LRRC37A2: variants seen among roughly 807,000 people sequenced by gnomAD.
The protein encoded by LRRC37A2 is leucine-rich repeat-containing protein 37A2.
LRRC37A2 carries 9 observed loss-of-function variants against 68.8 expected under a neutral mutation model. The ratio of observed to expected loss-of-function variants is 0.13; its 90% CI spans 0.08 to 0.23. The LOEUF is 0.23. LRRC37A2 is among the 10% of genes least tolerant of loss of function. The probability of loss-of-function intolerance (pLI) is 1.00; values close to 1 mark genes in which losing one functional copy is unlikely to be tolerated. For synonymous variants in LRRC37A2, 63 were observed against 367.6 expected, an observed-to-expected ratio of 0.17 and a Z score of 9.48; for missense variants, 168 against 950.4, an observed-to-expected ratio of 0.18 and a Z score of 10.82.
the LRRC37A2 span, chr17:46,940,531 C>A: frequency 6.2e-7 from 1 of 1,613,982 alleles, no homozygotes; most frequent in Non-Finnish European, 8.5e-7. Flanking sequence ...GAGACTGCGA[C>A]GGCAAGGCTG....
At chr17:46,822,183 G>C in the LRRC37A2 span, among the ~76,000 whole-genome samples, 1 of 152,254 alleles carries the variant, frequency 6.6e-6, no homozygotes, top group African/African-American at 2.4e-5. Context: ...GACCTGGAGA[G>C]GAGGGCGTTT....
At chr17:46,890,029 C>T in the LRRC37A2 span, among the ~76,000 whole-genome samples, 6 of 152,218 alleles carry the variant, frequency 3.9e-5, no homozygotes, top group Non-Finnish European at 7.3e-5. Flanking sequence ...TCCTGAGCAG[C>T]CCCTCCCATG....
the LRRC37A2 span, among the ~76,000 whole-genome samples, chr17:46,781,666 C>CA: frequency 6.6e-6 from 1 of 152,068 alleles, no homozygotes; most frequent in Non-Finnish European, 1.5e-5. Context: ...GTGATGGTCA[C>CA]ACAGCATTGG....
the LRRC37A2 span, among the ~76,000 whole-genome samples, chr17:46,976,565 C>A: frequency 1.1e-4 from 17 of 151,910 alleles, no homozygotes; most frequent in Admixed American, 7.2e-4. Context: ...AAACAAAAAA[C>A]CAAAAAAACA....
the LRRC37A2 span, among the ~76,000 whole-genome samples, chr17:46,779,500 C>T: frequency 2.6e-5 from 4 of 152,240 alleles, no homozygotes; most frequent in Admixed American, 6.5e-5. Flanking sequence ...CGACCACCCA[C>T]TGCCCAGCTG....
chr17:46,727,289 G>T, the LRRC37A2 span, among the ~76,000 whole-genome samples: 1 of 152,136 alleles, frequency 6.6e-6, no homozygotes, highest in Non-Finnish European at 1.5e-5. Flanking sequence ...GAAATAAACT[G>T]CAAGGAAGGG....
chr17:46,881,915 T>C, the LRRC37A2 span, among the ~76,000 whole-genome samples: 1 of 152,242 alleles, frequency 6.6e-6, no homozygotes, highest in East Asian at 1.9e-4. Flanking sequence ...TCACCACATC[T>C]AAGAGATGTA....
chr17:47,047,614 G>C, the LRRC37A2 span, among the ~76,000 whole-genome samples: 2 of 151,860 alleles, frequency 1.3e-5, no homozygotes, highest in Admixed American at 6.6e-5. Context: ...TAGTTTGTAA[G>C]GTGGTTTTAA....
the LRRC37A2 span, chr17:46,876,590 T>C: frequency 6.2e-7 from 1 of 1,613,426 alleles, no homozygotes; most frequent in Non-Finnish European, 8.5e-7. Flanking sequence ...CAGCCTGTGC[T>C]GCGGGCGGGG....
the LRRC37A2 span, among the ~76,000 whole-genome samples, chr17:46,389,767 TTAA>T: frequency 1.0e-5 from 1 of 97,718 alleles, no homozygotes; most frequent in Non-Finnish European, 2.2e-5. Flanking sequence ...ATTAACAATA[TTAA>T]TAATTGAGTA....
the LRRC37A2 span, among the ~76,000 whole-genome samples, chr17:46,870,257 G>C: frequency 6.6e-6 from 1 of 152,132 alleles, no homozygotes; most frequent in Non-Finnish European, 1.5e-5. Flanking sequence ...GTGTGAGAAG[G>C]AGGACATTTG....
At chr17:46,891,245 T>A in the LRRC37A2 span, among the ~76,000 whole-genome samples, 1 of 152,224 alleles carries the variant, frequency 6.6e-6, no homozygotes, top group African/African-American at 2.4e-5. Context: ...CATTCCTGTT[T>A]ACAAAGTGTC....
the LRRC37A2 span, among the ~76,000 whole-genome samples, chr17:46,749,513 A>G: frequency 6.6e-6 from 1 of 152,176 alleles, no homozygotes; most frequent in Non-Finnish European, 1.5e-5. Flanking sequence ...TTGTTTGTGT[A>G]TCTTCTTGAT....
At chr17:46,924,190 ATACT>A in the LRRC37A2 span, 1 of 235,728 alleles carries the variant, frequency 4.2e-6, no homozygotes, top group African/African-American at 2.2e-5. Flanking sequence ...CCTATTCTAG[ATACT>A]TAATATAAGT....
At chr17:46,842,390 T>C in the LRRC37A2 span, among the ~76,000 whole-genome samples, 1 of 152,150 alleles carries the variant, frequency 6.6e-6, no homozygotes, top group African/African-American at 2.4e-5. Flanking sequence ...TTGGTTGTTT[T>C]TTCAGACAGG....
chr17:46,923,691 T>C, the LRRC37A2 span: 1 of 723,574 alleles, frequency 1.4e-6, no homozygotes, highest in Non-Finnish European at 1.9e-6. Context: ...CACATTTTTA[T>C]GGTACAAAGA....
chr17:46,820,470 A>C, the LRRC37A2 span, among the ~76,000 whole-genome samples: 1 of 151,352 alleles, frequency 6.6e-6, no homozygotes, highest in African/African-American at 2.4e-5. Flanking sequence ...GGTGTGAGGA[A>C]GAAAGGGGCA....
At chr17:46,822,997 T>TA in the LRRC37A2 span, among the ~76,000 whole-genome samples, 1 of 130,942 alleles carries the variant, frequency 7.6e-6, no homozygotes, top group East Asian at 2.1e-4. Context: ...TATGTATTTA[T>TA]ATATATATGT....
At chr17:47,000,059 AAAATT>A in the LRRC37A2 span, among the ~76,000 whole-genome samples, 952 of 40,558 alleles carry the variant, frequency 0.023, 136 homozygotes, top group East Asian at 0.045. Flanking sequence ...AAAATAAAAT[AAAATT>A]AAAATAAAAT....
Sources: gnomAD v4.1 joint callset for allele counts (sites outside exome capture counted in the v4.1 genomes callset) on GRCh38, gnomAD v4.1.1 for gene constraint, MANE v1.5 for transcripts, NCBI Gene and HGNC (gene_info 2026-07-23, HGNC 2026-07-21) for gene names.